HIVEP1: variants seen among roughly 807,000 people sequenced by gnomAD.
The protein encoded by HIVEP1 is HIVEP zinc finger 1.
In HIVEP1, 36 loss-of-function variants were observed where a neutral mutation model predicts 180.0. The observed-to-expected ratio is 0.20, with a 90% CI of 0.15 to 0.26. The LOEUF is 0.26. Among genes scored for constraint, HIVEP1 ranks in the 10% least tolerant of loss-of-function variants. The pLI is 1.00. For missense variants in HIVEP1, 3,143 were observed against 3,268.7 expected, an observed-to-expected ratio of 0.96 and a Z score of 0.94; for synonymous variants, 1,239 against 1,239.0, an observed-to-expected ratio of 1.00 and a Z score of 0.00.
At chr6:12,041,420 TAAAAAAAAAA>T (rs34364704) in intron 2 of HIVEP1, among the ~76,000 whole-genome samples, 6 of 52,264 alleles carry the variant, frequency 1.1e-4, no homozygotes, top group African/African-American at 1.7e-4. Flanking sequence ...AGACTCCGTC[TAAAAAAAAAA>T]AAAAAAAAAA....
At chr6:12,111,421 G>A (rs1225001860) in intron 3 of HIVEP1, among the ~76,000 whole-genome samples, 1 of 152,222 alleles carries the variant, frequency 6.6e-6, no homozygotes, top group Non-Finnish European at 1.5e-5. Flanking sequence ...GGTTCTGTAG[G>A]TCAGAAGCCT....
Position 12,161,528 on chromosome 6 carries a change from G to A in HIVEP1, c.6577G>A (p.Asp2193Asn), listed in dbSNP as rs747490340. 6 of 1,614,086 alleles carry A rather than the reference G, an allele frequency of 3.7e-6. No homozygotes were observed. Among genetic ancestry groups the A allele is most frequent in the Admixed American group, 1.7e-5 (1 of 60,026 alleles). The change falls in exon 8 of 9, where the codon GAT becomes AAT. Residue 2193 changes from aspartate to asparagine, a missense_variant. Around this residue, in one of 12 missense-constraint regions of HIVEP1, gnomAD observed 126 missense variants for 168.5 expected, o/e 0.75. Transcript: ENST00000379388. The part of the protein sequence containing the change: ...PDEDDNENED[D>N]DEDSQAESVL... ...TGAGGATGACAATGAAAATGAAGACGATGATGAGGACAGCCAGGCTGAATC... is the reference window on the plus strand; with the variant it reads ...TGAGGATGACAATGAAAATGAAGACAATGATGAGGACAGCCAGGCTGAATC...
chr6:12,068,437 G>A (rs1771744585), intron 2 of HIVEP1, among the ~76,000 whole-genome samples: 1 of 152,124 alleles, frequency 6.6e-6, no homozygotes, highest in Non-Finnish European at 1.5e-5. Context: ...TTAAAGGAAT[G>A]TAAAGGGTAA....
upstream of HIVEP1, among the ~76,000 whole-genome samples, chr6:12,011,270 TCCCCCCCCC>T (rs76242358): frequency 1.4e-5 from 1 of 71,636 alleles, no homozygotes; most frequent in African/African-American, 6.2e-5. Context: ...CCCCTTGGGG[TCCCCCCCCC>T]CCCCCGCCTC....
Position 12,120,731 on chromosome 6 carries a change from A to G in HIVEP1, c.936A>G (p.Thr312=). ...GTTCAGGTTTCACAGGATCACTGAC[A>G]AATCTGCAAAATCAAGAGAATGCCA... ...PGCSGFTGSL[T]NLQNQENAKL... The change falls in exon 4 of 9, where the codon ACA becomes ACG. Residue 312 remains threonine, a synonymous_variant. Coordinates refer to ENST00000379388, the MANE Select transcript of HIVEP1 (RefSeq NM_002114.4). 1 of 1,614,236 alleles carries G rather than the reference A, an allele frequency of 6.2e-7. No homozygotes were observed. The highest frequency in any genetic ancestry group is 1.1e-5 in the South Asian group (1 of 91,084).
chr6:12,145,957 T>G (rs1369837532), intron 7 of HIVEP1, among the ~76,000 whole-genome samples: 1 of 152,186 alleles, frequency 6.6e-6, no homozygotes, highest in African/African-American at 2.4e-5. Context: ...AGACTCTGCC[T>G]GCCTTTCTGA....
At chr6:12,059,936 A>G (rs537394142) in intron 2 of HIVEP1, among the ~76,000 whole-genome samples, 233 of 152,350 alleles carry the variant, frequency 1.5e-3, no homozygotes, top group African/African-American at 5.4e-3. Flanking sequence ...ATGTGTATGC[A>G]TATACATGTA....
intron 4 of HIVEP1, among the ~76,000 whole-genome samples, chr6:12,128,843 C>CA (rs1758249601): frequency 6.6e-6 from 1 of 152,116 alleles, no homozygotes; most frequent in Admixed American, 6.6e-5. Context: ...GTTACCAAGC[C>CA]AAAACCTAAC....
chr6:12,103,071 A>C (rs185622406), intron 3 of HIVEP1, among the ~76,000 whole-genome samples: 1 of 152,166 alleles, frequency 6.6e-6, no homozygotes, highest in Admixed American at 6.5e-5. Flanking sequence ...ACTGAAGCTA[A>C]AATACCAGTG....
intron 2 of HIVEP1, among the ~76,000 whole-genome samples, chr6:12,082,769 C>T (rs1453705534): frequency 1.3e-5 from 2 of 152,110 alleles, no homozygotes; most frequent in Non-Finnish European, 2.9e-5. Context: ...TTATTTATTT[C>T]CCTAAGTTCC....
downstream of HIVEP1, among the ~76,000 whole-genome samples, chr6:12,167,666 A>ATGT (rs1760753191): frequency 5.3e-5 from 2 of 38,064 alleles, no homozygotes; most frequent in African/African-American, 1.5e-4. Flanking sequence ...TTATATATAC[A>ATGT]TATATACATA....
chr6:12,162,791 G>T (rs901829905), intron 8 of HIVEP1, among the ~76,000 whole-genome samples: 3 of 152,186 alleles, frequency 2.0e-5, no homozygotes, highest in African/African-American at 7.2e-5. Context: ...AACAACCAGA[G>T]AACTTTTTCA....
intron 2 of HIVEP1, among the ~76,000 whole-genome samples, chr6:12,068,120 C>T (rs1400437408): frequency 3.9e-5 from 6 of 152,072 alleles, no homozygotes; most frequent in East Asian, 3.9e-4. Flanking sequence ...GATGGAGTTT[C>T]GCCCTCGTTG....
the HIVEP1 span, among the ~76,000 whole-genome samples, chr6:12,188,535 A>T: frequency 6.6e-6 from 1 of 152,154 alleles, no homozygotes; most frequent in African/African-American, 2.4e-5. Context: ...AAACAAGTGA[A>T]TTTGATAAGA....
intron 3 of HIVEP1, among the ~76,000 whole-genome samples, chr6:12,104,425 C>CTTTTTTTTTTTT (rs70981665): frequency 2.5e-4 from 18 of 72,778 alleles, no homozygotes; most frequent in East Asian, 4.0e-4. Flanking sequence ...CTTTTCTTTC[C>CTTTTTTTTTTTT]TTTTTTTTTT....
chr6:12,121,438 A>G lies in HIVEP1; in HGVS notation c.1643A>G (p.Gln548Arg). 6.2e-7 allele frequency: 1 copy of G among 1,614,186 alleles called. No individual in the cohort carries two copies. Among genetic ancestry groups the G allele is most frequent in the Non-Finnish European group, 8.5e-7 (1 of 1,180,028 alleles). Reference protein sequence around the residue: ...PENVIGDFLLQDRSAESQAVT... With the variant: ...PENVIGDFLLRDRSAESQAVT... ...AATGTGATAGGTGACTTTTTGCTAC[A>G]GGACAGATCTGCAGAATCACAAGCT... Residue 548 changes from glutamine to arginine, a missense_variant, in exon 4 of 9, where the codon CAG (glutamine) becomes CGG (arginine). Transcript: ENST00000379388. The surrounding 1 kb of genome is among the most constrained non-coding windows in gnomAD (Gnocchi z 5.3).
intron 6 of HIVEP1, among the ~76,000 whole-genome samples, chr6:12,133,477 A>T (rs545665899): frequency 9.5e-4 from 144 of 152,346 alleles, no homozygotes; most frequent in African/African-American, 3.4e-3. Context: ...TTTGCATTTC[A>T]ATATGGGCAC....
intron 2 of HIVEP1, among the ~76,000 whole-genome samples, chr6:12,067,432 T>C (rs114225258): frequency 0.025 from 3,865 of 152,324 alleles, 169 homozygotes; most frequent in African/African-American, 0.088. Flanking sequence ...TTTAGCCATT[T>C]ATTTTACAGA....
intron 3 of HIVEP1, among the ~76,000 whole-genome samples, chr6:12,094,147 T>G (rs1029910443): frequency 6.6e-6 from 1 of 152,030 alleles, no homozygotes; most frequent in African/African-American, 2.4e-5. Flanking sequence ...TTTGTAAAAT[T>G]GTTTTCTAGT....
Sources: gnomAD v4.1 joint callset for allele counts (sites outside exome capture counted in the v4.1 genomes callset) on GRCh38, gnomAD v4.1.1 for gene constraint, gnomAD v4.1.1 regional missense constraint, Gnocchi (gnomAD v3.1) non-coding constraint, MANE v1.5 for transcripts, NCBI Gene and HGNC (gene_info 2026-07-23, HGNC 2026-07-21) for gene names.